GRAMD4: variants seen among roughly 807,000 people sequenced by gnomAD.
GRAMD4 encodes GRAM domain containing 4, also known as GRAM domain-containing protein 4.
Under a neutral mutation model 83.9 loss-of-function variants are expected in GRAMD4, and 25 were observed. The observed-to-expected ratio is 0.30, with a 90% CI of 0.22 to 0.42. The LOEUF (loss-of-function observed/expected upper bound fraction) is 0.42, where lower values mean the gene tolerates loss of function less well. GRAMD4 is among the 10% of genes least tolerant of loss of function. The pLI, the probability that GRAMD4 is intolerant of heterozygous loss-of-function variation, is 1.00. For missense variants in GRAMD4, 593 were observed against 788.7 expected, an observed-to-expected ratio of 0.75 and a Z score of 2.97; for synonymous variants, 336 against 320.9, an observed-to-expected ratio of 1.05 and a Z score of -0.50.
intron 2 of GRAMD4, among the ~76,000 whole-genome samples, chr22:46,632,567 C>G (rs759897472): frequency 6.6e-6 from 1 of 152,158 alleles, no homozygotes; most frequent in African/African-American, 2.4e-5. Flanking sequence ...CTCTGTAGGT[C>G]TGAGAAGGGG....
intron 1 of GRAMD4, among the ~76,000 whole-genome samples, chr22:46,581,621 C>G (rs2081099699): frequency 6.6e-6 from 1 of 152,264 alleles, no homozygotes; most frequent in Non-Finnish European, 1.5e-5. Flanking sequence ...ACAGCATGTC[C>G]TGCTCAGGGC....
Position 46,678,014 on chromosome 22 carries a change from G to A in GRAMD4, c.*763G>A, listed in dbSNP as rs2082624442. ...CTCGGCCTGACACGCCGGCCAGGAG[G>A]TCTGTAGCTGGGGACCAGTAAGGGC... On this transcript the variant is annotated 3_prime_UTR_variant, in exon 19 of 19. Transcript: ENST00000406902. The A allele has an allele frequency of 1.0e-6, 1 of 985,718 alleles. No individual in the cohort carries two copies. The highest frequency in any genetic ancestry group is 1.2e-6 in the Non-Finnish European group (1 of 830,112). 61.1% of individuals were successfully genotyped at this position (985,718 alleles called of 1,614,324 possible). A position where few individuals can be genotyped will look rare whatever the true frequency, so the allele number is the denominator to read the frequency against.
chr22:46,636,983 G>A (rs1569278996), intron 2 of GRAMD4, among the ~76,000 whole-genome samples: 1 of 152,198 alleles, frequency 6.6e-6, no homozygotes, highest in Non-Finnish European at 1.5e-5. Flanking sequence ...TGTGAGCCGC[G>A]GTTTTCATGG....
chr22:46,665,147 C>T (rs2082389063), intron 8 of GRAMD4, among the ~76,000 whole-genome samples: 1 of 152,260 alleles, frequency 6.6e-6, no homozygotes, highest in South Asian at 2.1e-4. Flanking sequence ...GCCTTCCAGG[C>T]CTCACCTCCA....
In GRAMD4 at chr22:46,673,674, AGAC is replaced by A; in HGVS notation, c.1248_1250del (p.Thr417del). ...GACGCTGTTTGCCGTTGGCAGCTGC[AGAC>A]GACCTCGTCACGGAGCTACGTACCC... On this transcript the variant is annotated inframe_deletion, in exon 15 of 19. Coordinates refer to ENST00000406902, the MANE Select transcript of GRAMD4 (RefSeq NM_015124.5). The A allele has an allele frequency of 1.2e-6, 2 of 1,611,074 alleles. No individual in the cohort carries two copies. The highest frequency in any genetic ancestry group is 1.7e-6 in the Non-Finnish European group (2 of 1,178,494).
At chr22:46,663,999 G>A (rs778182034) in intron 7 of GRAMD4, 27 bp from the exon 8 acceptor site, 6 of 1,583,300 alleles carry the variant, frequency 3.8e-6, no homozygotes, top group South Asian at 3.3e-5. Flanking sequence ...CCACAGTGCT[G>A]ACCACTGTGG....
At chr22:46,657,453 G>T (rs2082260602) in intron 3 of GRAMD4, among the ~76,000 whole-genome samples, 1 of 152,188 alleles carries the variant, frequency 6.6e-6, no homozygotes, top group Non-Finnish European at 1.5e-5. Flanking sequence ...GTCTTTAAGT[G>T]GTAGAAGTGT....
At chr22:46,641,157 T>C (rs6008937) in intron 3 of GRAMD4, among the ~76,000 whole-genome samples, 102,739 of 151,944 alleles carry the variant, frequency 0.68, 35,378 homozygotes, top group African/African-American at 0.76. Context: ...ACTGTAACCT[T>C]TGCCTGCCGG....
intron 2 of GRAMD4, among the ~76,000 whole-genome samples, chr22:46,629,136 G>A (rs914595370): frequency 1.3e-5 from 2 of 152,124 alleles, no homozygotes; most frequent in Non-Finnish European, 2.9e-5. Context: ...GGAAACCCAG[G>A]AGATTCCTAG....
chr22:46,664,146 G>A (rs1456082496), intron 8 of GRAMD4, 29 bp downstream of exon 8: 1 of 1,505,264 alleles, frequency 6.6e-7, no homozygotes, highest in African/African-American at 1.4e-5. Flanking sequence ...GGCCGAGCAG[G>A]GTGGGTGGGA....
chr22:46,663,230 A>C (rs1056081063), intron 6 of GRAMD4, 58 bp downstream of exon 6: 1 of 1,538,380 alleles, frequency 6.5e-7, no homozygotes, highest in Non-Finnish European at 8.9e-7. Flanking sequence ...CCCTGGGCTG[A>C]GGCTGCAGCG....
In GRAMD4 at chr22:46,621,157, C is replaced by T. The variant is rs1001211256; in HGVS notation, c.-50+592C>T. Among the ~76,000 whole-genome samples, 72 of 152,082 alleles carry T rather than the reference C, an allele frequency of 4.7e-4. No homozygotes were observed. Among genetic ancestry groups the T allele is most frequent in the Admixed American group, 2.5e-3 (38 of 15,272 alleles). ...GGATGCGCGGCTGCAGCACGCAGGA[C>T]GGAAGGTGCAGGTGAGACGCAGGTG... On this transcript the variant is annotated intron_variant, in intron 1 of 18. Coordinates refer to ENST00000406902, the MANE Select transcript of GRAMD4 (RefSeq NM_015124.5). This position sits in a 1 kb window ranked among gnomAD's most constrained non-coding sequence, Gnocchi z 5.8.
intron 1 of GRAMD4, among the ~76,000 whole-genome samples, chr22:46,583,019 G>A (rs2081113517): frequency 6.6e-6 from 1 of 152,170 alleles, no homozygotes; most frequent in Admixed American, 6.5e-5. Context: ...CCGCCTCCCG[G>A]GTTCAAGCGA....
In GRAMD4 at chr22:46,675,497, G is replaced by T. The variant is rs1242090340; in HGVS notation, c.1508G>T (p.Gly503Val). 6.2e-7 allele frequency: 1 copy of T among 1,613,368 alleles called. No homozygotes were observed. Among genetic ancestry groups the T allele is most frequent in the Admixed American group, 1.7e-5 (1 of 60,012 alleles). The stretch of plus-strand genomic sequence containing the variant: ...TTGTGCTTCGAAAGCTCCAAATCTG[G>T]GTCCTCAAAGAGGAACAAAGTCATC... ...NYLCFESSKS[G>V]SSKRNKVIKL... is the part of the protein sequence containing the mutation. Residue 503 changes from glycine (G) to valine (V), a missense_variant, in exon 17 of 19, where the codon GGG becomes GTG. Transcript: ENST00000406902.
In GRAMD4 at chr22:46,679,200, C is replaced by G. The variant is rs1338400237; in HGVS notation, c.*1949C>G. 1 of 985,418 alleles carries G rather than the reference C, an allele frequency of 1.0e-6. No homozygotes were observed. Among genetic ancestry groups the G allele is most frequent in the Non-Finnish European group, 1.2e-6 (1 of 829,996 alleles). The allele number at this position is 985,418 out of a possible 1,614,324, so 61.0% of individuals were successfully genotyped here. A position where few individuals can be genotyped will look rare whatever the true frequency, so the allele number is the denominator to read the frequency against. ...GGTCCGGGGCCTCGGGGCCAATGAG[C>G]GCCTCTTCCTAGGTGCTGGGATTCA... On this transcript the variant is annotated 3_prime_UTR_variant, in exon 19 of 19. Coordinates refer to ENST00000406902, the MANE Select transcript of GRAMD4 (RefSeq NM_015124.5).
intron 17 of GRAMD4, 119 bp from the exon 18 acceptor site, chr22:46,676,481 G>A: frequency 1.3e-6 from 1 of 786,412 alleles, no homozygotes; most frequent in South Asian, 1.6e-5. Flanking sequence ...GAAGTCCCAG[G>A]TGCCCGTGGG....
At position 46,675,466 on chromosome 22, in the gene GRAMD4, A is replaced by G; in HGVS notation, c.1479-2A>G. 6.2e-7 allele frequency: 1 copy of G among 1,608,296 alleles called. No homozygotes were observed. Among genetic ancestry groups the G allele is most frequent in the Non-Finnish European group, 8.5e-7 (1 of 1,175,098 alleles). On this transcript the variant is annotated splice_acceptor_variant, in intron 16 of 18. Transcript: ENST00000406902. LOFTEE classifies it high-confidence loss of function. The stretch of plus-strand genomic sequence containing the variant: ...CGACGCCTCTGTCCGTTCCCCTTCC[A>G]GTTACTTGTGCTTCGAAAGCTCCAA...
chr22:46,627,135 G>A (rs181260594), intron 2 of GRAMD4, among the ~76,000 whole-genome samples, 174 bp downstream of exon 2: 3 of 152,200 alleles, frequency 2.0e-5, no homozygotes, highest in Admixed American at 1.3e-4. Flanking sequence ...GTGGGGCCGG[G>A]GTGCTGCCAC....
chr22:46,634,613 G>A (rs1483440569), intron 2 of GRAMD4, among the ~76,000 whole-genome samples: 1 of 152,162 alleles, frequency 6.6e-6, no homozygotes, highest in African/African-American at 2.4e-5. Flanking sequence ...CAGGTAGTGC[G>A]TGGCCACAGT....
Sources: allele counts gnomAD v4.1 joint callset (sites outside exome capture counted in the v4.1 genomes callset), GRCh38; gene constraint gnomAD v4.1.1; non-coding constraint Gnocchi (gnomAD v3.1); transcripts MANE v1.5; gene names NCBI Gene and HGNC (gene_info 2026-07-23, HGNC 2026-07-21).